The following PKD1 variants were observed in gnomAD, a reference collection of about 807,000 sequenced individuals.
PKD1 encodes polycystin-1.
A neutral mutation model predicts 361.7 loss-of-function variants in PKD1; 81 were observed. The ratio of observed to expected loss-of-function variants is 0.22; its 90% CI spans 0.19 to 0.27. The LOEUF is 0.27. PKD1 is among the 10% of genes least tolerant of loss of function. The pLI is 1.00. For missense variants in PKD1, 6,399 were observed against 6,118.3 expected (o/e 1.05, Z -1.53); for synonymous variants, 3,615 against 2,818.3 (o/e 1.28, Z -8.95).
chr16:2,097,836 G>A (rs766231417), intron 31 of PKD1, 32 bp downstream of exon 31: 2 of 1,608,558 alleles, frequency 1.2e-6, no homozygotes, highest in Non-Finnish European at 1.7e-6. Context: ...AGGACCCCCA[G>A]CCCAGCCCAG....
At chr16:2,101,886 C>T (rs1312157385) in intron 26 of PKD1, 175 bp downstream of exon 26, 2 of 641,308 alleles carry the variant, frequency 3.1e-6, no homozygotes, top group Non-Finnish European at 5.7e-6. Context: ...TGTCCTAGTC[C>T]TCAGGGACAG....
intron 1 of PKD1, among the ~76,000 whole-genome samples, chr16:2,125,723 CG>C (rs1444209513): frequency 6.6e-6 from 1 of 151,828 alleles, no homozygotes; most frequent in Non-Finnish European, 1.5e-5. Context: ...CCGCTGGGGT[CG>C]GGGCCACCCT....
In PKD1 at chr16:2,110,975, C is replaced by A. The variant is rs754329909; in HGVS notation, c.4192G>T (p.Ala1398Ser). Residue 1398 changes from alanine (A) to serine (S), a missense_variant, in exon 15 of 46, where the codon GCC (alanine) becomes TCC (serine). Physicochemically the swap from Ala to Ser is moderately conservative, Grantham distance 99. Transcript: ENST00000262304. ...GGCCAGGCACATGCCACCAGCCAGGCCTCGTCCCCGAGCTGCACAAACTGC... is the reference window on the plus strand; with the variant it reads ...GGCCAGGCACATGCCACCAGCCAGGACTCGTCCCCGAGCTGCACAAACTGC... ...ERQFVQLGDE[A>S]WLVACAWPPF... The A allele has an allele frequency of 1.2e-6, 2 of 1,610,504 alleles. No individual in the cohort carries two copies. Among genetic ancestry groups the A allele is most frequent in the South Asian group, 1.1e-5 (1 of 90,990 alleles).
chr16:2,115,246 G>A (rs1279222012), intron 10 of PKD1, 132 bp downstream of exon 10: 3 of 1,091,494 alleles, frequency 2.7e-6, no homozygotes, highest in East Asian at 2.6e-5. Context: ...GAGGTCGGAG[G>A]TCAGAGGTGG....
intron 1 of PKD1, among the ~76,000 whole-genome samples, chr16:2,125,380 G>A (rs1229750571): frequency 1.3e-5 from 2 of 152,180 alleles, no homozygotes; most frequent in Non-Finnish European, 2.9e-5. Flanking sequence ...CCTGCACGAG[G>A]GTCTCTGGGT....
intron 26 of PKD1, among the ~76,000 whole-genome samples, chr16:2,101,028 C>T (rs1045810520): frequency 6.6e-6 from 1 of 152,026 alleles, no homozygotes; most frequent in African/African-American, 2.4e-5. Context: ...CTGTGTCACC[C>T]AGGCTGGAGT....
Position 2,114,620 on chromosome 16 carries a change from C to G in PKD1, c.2403G>C (p.Glu801Asp). Reference protein sequence around the residue: ...RLPGRYEVRAEVGNGVSRHNL... With the variant: ...RLPGRYEVRADVGNGVSRHNL... The stretch of plus-strand genomic sequence containing the variant: ...TGTGCCTGGACACGCCATTGCCCAC[C>G]TCTGCCCGGACCTCATAGCGCCCAG... Residue 801 changes from glutamate to aspartate, a missense_variant, in exon 11 of 46, where the codon GAG becomes GAC. By Grantham distance (45) the Glu-to-Asp change is conservative (BLOSUM62 2). Coordinates refer to ENST00000262304, the MANE Select transcript of PKD1 (RefSeq NM_001009944.3). The G allele has an allele frequency of 6.3e-7, 1 of 1,576,518 alleles. No homozygotes were observed.
Position 2,114,826 on chromosome 16 carries a change from G to A in PKD1, c.2197C>T (p.Pro733Ser), listed in dbSNP as rs749397025. The A allele has an allele frequency of 2.4e-6, 3 of 1,269,894 alleles. No individual in the cohort carries two copies. The highest frequency in any genetic ancestry group is 1.3e-5 in the South Asian group (1 of 78,432). The allele number at this position is 1,269,894 out of a possible 1,614,324, so 78.7% of individuals were successfully genotyped here. A position where few individuals can be genotyped will look rare whatever the true frequency, so the allele number is the denominator to read the frequency against. Residue 733 changes from proline (P) to serine (S), a missense_variant, in exon 11 of 46, where the codon CCC becomes TCC. By Grantham distance (74) the Pro-to-Ser change is moderately conservative (BLOSUM62 -1). Transcript: ENST00000262304. ...PGALLHCSPA[P>S]GHPGPRAPYL... ...GGGGCCCGGGGACCAGGGTGGCCGGGAGCCGGCGAGCAGTGCAGGAGGGCG... is the reference window on the plus strand; with the variant it reads ...GGGGCCCGGGGACCAGGGTGGCCGGAAGCCGGCGAGCAGTGCAGGAGGGCG...
intron 41 of PKD1, 68 bp from the exon 42 acceptor site, chr16:2,091,665 G>A (rs557687541): frequency 6.4e-6 from 10 of 1,560,214 alleles, no homozygotes; most frequent in Non-Finnish European, 8.6e-6. Flanking sequence ...GCGCAGTGCA[G>A]GCGTGGCTGA....
At chr16:2,115,915 G>C in intron 9 of PKD1, 77 bp downstream of exon 9, 1 of 1,473,778 alleles carries the variant, frequency 6.8e-7, no homozygotes, top group Non-Finnish European at 9.3e-7. Flanking sequence ...CACAGGACCA[G>C]CAGACGTGAA....
chr16:2,118,751 C>G lies in PKD1; in HGVS notation c.454G>C (p.Ala152Pro), dbSNP rs1567218996. 1 of 1,444,276 alleles carries G rather than the reference C, an allele frequency of 6.9e-7. No individual in the cohort carries two copies. The allele number at this position is 1,444,276 out of a possible 1,614,324, so 89.5% of individuals were successfully genotyped here. A position where few individuals can be genotyped will look rare whatever the true frequency, so the allele number is the denominator to read the frequency against. The change falls in exon 4 of 46, where the codon GCA (alanine) becomes CCA (proline). Residue 152 changes from alanine to proline, a missense_variant. Coordinates refer to ENST00000262304, the MANE Select transcript of PKD1 (RefSeq NM_001009944.3). The surrounding 1 kb of genome is among the most constrained non-coding windows in gnomAD (Gnocchi z 6.0). ...GAGCCAGGCCCAGCACACGTGGCTG[C>G]CTCGGGCTGCACCACCCGCACCTGC... The part of the protein sequence containing the change: ...EQQVRVVQPE[A>P]ATCAGPGSLA...
chr16:2,129,504 G>A (rs2092842249), intron 1 of PKD1, among the ~76,000 whole-genome samples: 1 of 149,162 alleles, frequency 6.7e-6, no homozygotes, highest in Non-Finnish European at 1.5e-5. Context: ...GGCCATCTGT[G>A]CGTCTTCTTT....
chr16:2,092,613 C>A, intron 38 of PKD1, 21 bp from the exon 39 acceptor site: 1 of 1,533,008 alleles, frequency 6.5e-7, no homozygotes, highest in Non-Finnish European at 9.0e-7. Flanking sequence ...ATCAGTCACA[C>A]GCTCCAGCCC....
chr16:2,107,251 C>T (rs1596544990), intron 16 of PKD1: 8 of 453,974 alleles, frequency 1.8e-5, no homozygotes, highest in East Asian at 8.4e-5. Context: ...TGAGAAGAGA[C>T]GTATGTGTGG....
At chr16:2,125,375 A>G (rs1400619010) in intron 1 of PKD1, among the ~76,000 whole-genome samples, 1 of 152,178 alleles carries the variant, frequency 6.6e-6, no homozygotes, top group African/African-American at 2.4e-5. Flanking sequence ...AGAGCCCTGC[A>G]CGAGGGTCTC....
chr16:2,097,397 C>G lies in PKD1; in HGVS notation c.10327G>C (p.Gly3443Arg). ...TCCTCCTCTGGGCCCAGCCCATGGC[C>G]CGCCTGGCCCCGTGCCAGCTGCCGC... is the stretch of plus-strand genomic sequence containing the variant. Reference protein sequence around the residue: ...NLRQLARGQAGHGLGPEEDGF... With the variant: ...NLRQLARGQARHGLGPEEDGF... Residue 3443 changes from glycine (G) to arginine (R), a missense_variant, in exon 33 of 46, where the codon GGC (glycine) becomes CGC (arginine). Gly to Arg is a moderately radical substitution (Grantham distance 125, BLOSUM62 -2). Coordinates refer to ENST00000262304, the MANE Select transcript of PKD1 (RefSeq NM_001009944.3). The G allele has an allele frequency of 6.2e-7, 1 of 1,610,460 alleles. No individual in the cohort carries two copies. Among genetic ancestry groups the G allele is most frequent in the Non-Finnish European group, 8.5e-7 (1 of 1,179,808 alleles).
Position 2,115,039 on chromosome 16 carries a change from A to G in PKD1, c.2098-114T>C, listed in dbSNP as rs1473553861. ...TCCCCGCTTCGTCAGCCACACCTCA[A>G]GGAGCCTCCCCACAGTGCTCGTGAC... On this transcript the variant is annotated intron_variant, in intron 10 of 45. Transcript: ENST00000262304. The G allele has an allele frequency of 4.0e-6, 6 of 1,509,164 alleles. No homozygotes were observed. The African/African-American group carries it at 4.1e-5, about 10-fold the overall frequency. 93.5% of individuals were successfully genotyped at this position (1,509,164 alleles called of 1,614,324 possible). A position where few individuals can be genotyped will look rare whatever the true frequency, so the allele number is the denominator to read the frequency against.
chr16:2,127,230 C>G (rs1165865035), intron 1 of PKD1, among the ~76,000 whole-genome samples: 1 of 152,248 alleles, frequency 6.6e-6, no homozygotes, highest in Non-Finnish European at 1.5e-5. Flanking sequence ...GGCAGTGCCA[C>G]TCGCCAGCTT....
intron 39 of PKD1, 52 bp from the exon 40 acceptor site, chr16:2,092,240 A>C (rs2091626103): frequency 2.6e-6 from 4 of 1,536,344 alleles, no homozygotes; most frequent in Middle Eastern, 1.7e-4. Flanking sequence ...AAAACCCAAC[A>C]GGAGTGTTTC....
Sources: allele counts gnomAD v4.1 joint callset (sites outside exome capture counted in the v4.1 genomes callset), GRCh38; gene constraint gnomAD v4.1.1; non-coding constraint Gnocchi (gnomAD v3.1); transcripts MANE v1.5; gene names NCBI Gene and HGNC (gene_info 2026-07-23, HGNC 2026-07-21).